The following AGBL1 variants were observed in gnomAD, a reference collection of about 807,000 sequenced individuals.
AGBL1 encodes AGBL carboxypeptidase 1.
A neutral mutation model predicts 118.9 loss-of-function variants in AGBL1; 130 were observed. The observed-to-expected ratio is 1.09, with a 90% CI of 0.95 to 1.26. The LOEUF (loss-of-function observed/expected upper bound fraction) is 1.26, where lower values mean the gene tolerates loss of function less well. Among genes scored for constraint, AGBL1 ranks in the 50% most tolerant of loss-of-function variants. AGBL1 has a pLI of 0.00. For missense variants in AGBL1, 1,584 were observed against 1,298.1 expected (o/e 1.22, Z -3.38); for synonymous variants, 555 against 478.9 (o/e 1.16, Z -2.08).
chr15:86,559,381 C>T (rs949644231), intron 21 of AGBL1, among the ~76,000 whole-genome samples: 5 of 152,172 alleles, frequency 3.3e-5, no homozygotes, highest in African/African-American at 7.2e-5. Context: ...ATTTCTGTCT[C>T]CATATTGCCA....
rs975485146 is a variant in AGBL1, at chr15:86,205,468, C to A, written c.489-19446C>A. Among the ~76,000 whole-genome samples the A allele has an allele frequency of 4.6e-5, 7 of 152,100 alleles. No individual in the cohort carries two copies. The East Asian group carries it at 1.3e-3, about 29-fold the overall frequency. The stretch of plus-strand genomic sequence containing the variant: ...AGTTTTTAACCCATTTAGGTAAATA[C>A]GAAGGAGCACAATTGCTGGATTGTA... On this transcript the variant is annotated intron_variant, in intron 5 of 22. Coordinates refer to ENST00000614907, the MANE Select transcript of AGBL1 (RefSeq NM_001386094.1).
chr15:86,427,247 T>C (rs2081878152), intron 18 of AGBL1, among the ~76,000 whole-genome samples: 1 of 152,150 alleles, frequency 6.6e-6, no homozygotes, highest in Admixed American at 6.5e-5. Context: ...ATTATAAAAG[T>C]TTCATTTTAT....
chr15:86,683,270 T>C (rs2085994283), intron 22 of AGBL1, among the ~76,000 whole-genome samples: 1 of 152,192 alleles, frequency 6.6e-6, no homozygotes, highest in African/African-American at 2.4e-5. Flanking sequence ...CTCAAACGAC[T>C]TGGGTTCATT....
intron 17 of AGBL1, among the ~76,000 whole-genome samples, chr15:86,322,306 T>C (rs933028716): frequency 1.3e-5 from 2 of 152,116 alleles, no homozygotes; most frequent in Admixed American, 1.3e-4. Context: ...TAACAGTTTT[T>C]CTTTACCTAT....
intron 22 of AGBL1, among the ~76,000 whole-genome samples, chr15:86,820,435 C>G (rs767791931): frequency 6.6e-6 from 1 of 151,922 alleles, no homozygotes; most frequent in Non-Finnish European, 1.5e-5. Context: ...GGAACTTAAA[C>G]AAATTTACAT....
At chr15:86,650,155 T>G (rs1251353390) in intron 21 of AGBL1, among the ~76,000 whole-genome samples, 1 of 152,212 alleles carries the variant, frequency 6.6e-6, no homozygotes, top group Non-Finnish European at 1.5e-5. Context: ...GCAGTTTTTC[T>G]AAAATACTCT....
intron 22 of AGBL1, among the ~76,000 whole-genome samples, chr15:86,699,998 C>T (rs2086328545): frequency 6.6e-6 from 1 of 152,024 alleles, no homozygotes; most frequent in Non-Finnish European, 1.5e-5. Context: ...ATTTCCTCTA[C>T]ATTTGTTAGT....
intron 21 of AGBL1, among the ~76,000 whole-genome samples, chr15:86,557,112 G>A (rs746062363): frequency 2.6e-5 from 4 of 152,208 alleles, no homozygotes; most frequent in Non-Finnish European, 4.4e-5. Flanking sequence ...TTGGGATACA[G>A]TCTCTGTTGC....
intron 22 of AGBL1, among the ~76,000 whole-genome samples, chr15:86,889,905 A>G (rs561182190): frequency 6.6e-6 from 1 of 152,346 alleles, no homozygotes; most frequent in South Asian, 2.1e-4. Context: ...CTTTGGGTAT[A>G]TACCCTGTAA....
At chr15:86,173,371 T>A (rs2077440564) in intron 5 of AGBL1, 1 of 151,592 alleles carries the variant, frequency 6.6e-6, no homozygotes, top group Non-Finnish European at 1.5e-5. Flanking sequence ...TTGCAAATAT[T>A]TTTTTTTTCA....
At chr15:86,896,472 T>C (rs2080128750) in intron 22 of AGBL1, among the ~76,000 whole-genome samples, 1 of 152,104 alleles carries the variant, frequency 6.6e-6, no homozygotes, top group African/African-American at 2.4e-5. Flanking sequence ...CCAACAAGAA[T>C]TACATGGTTT....
chr15:86,687,117 T>G (rs2086072396), intron 22 of AGBL1, among the ~76,000 whole-genome samples: 1 of 152,180 alleles, frequency 6.6e-6, no homozygotes, highest in South Asian at 2.1e-4. Flanking sequence ...AAAAGGGAAT[T>G]AGAGGTTTAT....
At chr15:86,880,548 T>C (rs2079876166) in intron 22 of AGBL1, among the ~76,000 whole-genome samples, 1 of 152,162 alleles carries the variant, frequency 6.6e-6, no homozygotes, top group Non-Finnish European at 1.5e-5. Flanking sequence ...GGGTTTTTCC[T>C]GTGTGTCTAT....
chr15:86,472,704 A>C (rs907941642), intron 18 of AGBL1, among the ~76,000 whole-genome samples: 1 of 152,230 alleles, frequency 6.6e-6, no homozygotes, highest in African/African-American at 2.4e-5. Flanking sequence ...GGATCACCTG[A>C]GGTCAGGAGT....
chr15:86,168,842 T>C (rs78570246), intron 5 of AGBL1, among the ~76,000 whole-genome samples: 1,972 of 152,376 alleles, frequency 0.013, 25 homozygotes, highest in East Asian at 0.071. Context: ...TTGATCTCAA[T>C]TGCATTTCTG....
chr15:86,779,694 T>C (rs62031437), intron 22 of AGBL1, among the ~76,000 whole-genome samples: 11,161 of 152,294 alleles, frequency 0.073, 516 homozygotes, highest in Non-Finnish European at 0.11. Context: ...GTATCTCTTT[T>C]CTTTTTCACT....
intron 22 of AGBL1, among the ~76,000 whole-genome samples, chr15:86,736,691 T>C (rs1217258827): frequency 6.6e-6 from 1 of 152,186 alleles, no homozygotes. Context: ...TCCCTTTTAA[T>C]ATTCATGTAA....
chr15:86,722,741 G>A (rs749828941), intron 22 of AGBL1, among the ~76,000 whole-genome samples: 6 of 152,120 alleles, frequency 3.9e-5, no homozygotes, highest in Non-Finnish European at 7.4e-5. Context: ...TGGGAGAAAA[G>A]TTTTGCAATC....
intron 17 of AGBL1, among the ~76,000 whole-genome samples, chr15:86,377,657 G>T (rs1275761433): frequency 6.6e-6 from 1 of 152,126 alleles, no homozygotes; most frequent in Non-Finnish European, 1.5e-5. Context: ...GTGGTTCCTA[G>T]TACATTAATC....
Sources: allele counts gnomAD v4.1 joint callset (sites outside exome capture counted in the v4.1 genomes callset), GRCh38; gene constraint gnomAD v4.1.1; transcripts MANE v1.5; gene names NCBI Gene and HGNC (gene_info 2026-07-23, HGNC 2026-07-21).